CELSR1: variants seen among roughly 807,000 people sequenced by gnomAD.
CELSR1 encodes cadherin EGF LAG seven-pass G-type receptor 1, also known as adhesion G protein-coupled receptor C1.
A neutral mutation model predicts 249.1 loss-of-function variants in CELSR1; 110 were observed. That is an observed-to-expected ratio of 0.44 (90% CI 0.38 to 0.52). The LOEUF (loss-of-function observed/expected upper bound fraction) is 0.52. CELSR1 is among the 20% of genes least tolerant of loss of function. CELSR1 has a pLI of 0.00. For synonymous variants in CELSR1, 2,113 were observed against 1,900.0 expected (o/e 1.11, Z -2.92); for missense variants, 4,109 against 4,296.4 (o/e 0.96, Z 1.22).
In CELSR1 at chr22:46,506,498, C is replaced by T. The variant is rs1454998064; in HGVS notation, c.3544+27129G>A. Among the ~76,000 whole-genome samples, 1 of 152,218 alleles carries T rather than the reference C, an allele frequency of 6.6e-6. No individual in the cohort carries two copies. Among genetic ancestry groups the T allele is most frequent in the Non-Finnish European group, 1.5e-5 (1 of 68,042 alleles). On this transcript the variant is annotated intron_variant, in intron 1 of 34. Transcript: ENST00000674500. This position sits in a 1 kb window ranked among gnomAD's most constrained non-coding sequence, Gnocchi z 4.1. Reference sequence around the variant, plus strand: ...GAGTCCAGCCCAACCGGCCCTGCCTCAGGTCTGCGTTCTGCCAGCCTCAGC... The same window carrying T: ...GAGTCCAGCCCAACCGGCCCTGCCTTAGGTCTGCGTTCTGCCAGCCTCAGC...
At chr22:46,418,768 A>C (rs2079432066) in intron 5 of CELSR1, among the ~76,000 whole-genome samples, 1 of 152,204 alleles carries the variant, frequency 6.6e-6, no homozygotes, top group African/African-American at 2.4e-5. Context: ...AAAGGTCAGA[A>C]CCAACCGGTC....
At chr22:46,373,694 AGGGGGAGATGGGGGAGAT>A (rs1407764454) in intron 24 of CELSR1, among the ~76,000 whole-genome samples, 5 of 26,122 alleles carry the variant, frequency 1.9e-4, no homozygotes, top group South Asian at 1.5e-3. Context: ...ATGGGGGAGA[AGGGGGAGATGGGGGAGAT>A]GGGGGAGATG....
rs866692159 is a variant in CELSR1 at position 46,537,490 on chromosome 22, C to T, written c.-320G>A. Among the ~76,000 whole-genome samples the T allele has an allele frequency of 6.7e-5, 10 of 149,334 alleles. No homozygotes were observed. Among genetic ancestry groups the T allele is most frequent in the Middle Eastern group, 3.4e-3 (1 of 290 alleles). ...CAGGCGGCTCCAGGTGGCTCCGGCGCGGGCTCGGCCGGACGGGCGTGGGAA... is the reference window on the plus strand; with the variant it reads ...CAGGCGGCTCCAGGTGGCTCCGGCGTGGGCTCGGCCGGACGGGCGTGGGAA... On this transcript the variant is annotated 5_prime_UTR_variant, in exon 1 of 35. Transcript: ENST00000674500. This position sits in a 1 kb window ranked among gnomAD's most constrained non-coding sequence, Gnocchi z 5.8.
Position 46,433,817 on chromosome 22 carries a change from T to G in CELSR1, c.4523-336A>C, listed in dbSNP as rs2079625363. Among the ~76,000 whole-genome samples the G allele has an allele frequency of 6.6e-6, 1 of 152,208 alleles. No individual in the cohort carries two copies. The highest frequency in any genetic ancestry group is 2.4e-5 in the African/African-American group (1 of 41,440). The stretch of plus-strand genomic sequence containing the variant: ...CTCCTGCCTCAGCCTCCTGAGTAGC[T>G]GGGATTACAGGCACCCACCACCACA... On this transcript the variant is annotated intron_variant, in intron 4 of 34. Coordinates refer to ENST00000674500, the MANE Select transcript of CELSR1 (RefSeq NM_001378328.1). The surrounding 1 kb of genome is among the most constrained non-coding windows in gnomAD (Gnocchi z 5.7).
rs773353519 is a variant in CELSR1 at position 46,391,702 on chromosome 22, C to T, written c.6079G>A (p.Gly2027Ser). ...CGGTTGCACTGGCGGCCGATGACGC[C>T]GGGCTTGCAGGCACACTGCCCGGTG... ...MATGQCACKP[G>S]VIGRQCNRCD... The change falls in exon 15 of 35, where the codon GGC becomes AGC. Residue 2027 changes from glycine (G) to serine (S), a missense_variant. Gly to Ser is a moderately conservative substitution (Grantham distance 56). Around this residue, in one of 7 missense-constraint regions of CELSR1, gnomAD observed 1,805 missense variants for 1,831.6 expected, o/e 0.99. Transcript: ENST00000674500. The surrounding 1 kb of genome is among the most constrained non-coding windows in gnomAD (Gnocchi z 4.3). 22 of 1,610,672 alleles carry T rather than the reference C, an allele frequency of 1.4e-5. No individual in the cohort carries two copies. Among genetic ancestry groups the T allele is most frequent in the East Asian group, 8.9e-5 (4 of 44,872 alleles).
rs1602093493 is a variant in CELSR1 at position 46,408,825 on chromosome 22, G to A, written c.5226+171C>T. ...TCCCTCGCTGTCTCCGCCTCCCAGA[G>A]GAAAGAAAGGGCTGATATTCCCCTT... On this transcript the variant is annotated intron_variant, in intron 9 of 34. Transcript: ENST00000674500. The surrounding 1 kb of genome is among the most constrained non-coding windows in gnomAD (Gnocchi z 4.6). Among the ~76,000 whole-genome samples the A allele has an allele frequency of 6.6e-6, 1 of 152,234 alleles. No homozygotes were observed. Among genetic ancestry groups the A allele is most frequent in the South Asian group, 2.1e-4 (1 of 4,834 alleles).
At chr22:46,382,684 G>A (rs957316101) in intron 20 of CELSR1, among the ~76,000 whole-genome samples, 2 of 152,158 alleles carry the variant, frequency 1.3e-5, no homozygotes, top group African/African-American at 2.4e-5. Context: ...AGCAACACGC[G>A]CTCCATCCGC....
At chr22:46,414,768 A>G (rs1054647035) in intron 5 of CELSR1, among the ~76,000 whole-genome samples, 1 of 152,246 alleles carries the variant, frequency 6.6e-6, no homozygotes, top group African/African-American at 2.4e-5. Context: ...ATGACCCAGC[A>G]CCACCAGCCC....
rs1602027601 is a variant in CELSR1 at position 46,369,159 on chromosome 22, T to A, written c.7952+20A>T. On this transcript the variant is annotated intron_variant, in intron 27 of 34. Coordinates refer to ENST00000674500, the MANE Select transcript of CELSR1 (RefSeq NM_001378328.1). ...GGGCCCAGCCGACATGGCTGGCCGG[T>A]CAGGTTCAGCCCCACTTACACGATC... is the stretch of plus-strand genomic sequence containing the variant. 6.2e-7 allele frequency: 1 copy of A among 1,612,194 alleles called. No homozygotes were observed. Among genetic ancestry groups the A allele is most frequent in the Non-Finnish European group, 8.5e-7 (1 of 1,178,564 alleles).
rs2080832617 is a variant in CELSR1, at chr22:46,534,814, C to T, written c.2357G>A (p.Arg786Lys). 1 of 1,612,992 alleles carries T rather than the reference C, an allele frequency of 6.2e-7. No individual in the cohort carries two copies. Among genetic ancestry groups the T allele is most frequent in the South Asian group, 1.1e-5 (1 of 91,086 alleles). Residue 786 changes from arginine (R) to lysine (K), a missense_variant, in exon 1 of 35, where the codon AGG (arginine) becomes AAG (lysine). This residue lies in a region of CELSR1 where 886 missense variants were observed against 896.5 expected (regional missense o/e 0.99). Transcript: ENST00000674500. This position sits in a 1 kb window ranked among gnomAD's most constrained non-coding sequence, Gnocchi z 9.7. ...GTAATGGGAGCTCTGAAAGACAGGCCTGTGGGTGTTGGCATCAGTGACGTT... is the reference window on the plus strand; with the variant it reads ...GTAATGGGAGCTCTGAAAGACAGGCTTGTGGGTGTTGGCATCAGTGACGTT... Reference protein sequence around the residue: ...LINVTDANTHRPVFQSSHYTV... With the variant: ...LINVTDANTHKPVFQSSHYTV...
In CELSR1 at chr22:46,463,777, C is replaced by T. The variant is rs770653865; in HGVS notation, c.4113G>A (p.Pro1371=). The T allele has an allele frequency of 4.4e-6, 7 of 1,581,926 alleles. 1 individual carries two copies. Among genetic ancestry groups the T allele is most frequent in the Middle Eastern group, 3.4e-4 (2 of 5,914 alleles). Residue 1371 remains proline, a synonymous_variant, in exon 2 of 35, where the codon CCG becomes CCA. Coordinates refer to ENST00000674500, the MANE Select transcript of CELSR1 (RefSeq NM_001378328.1). ...ETEIDLCYSD[P]CGANGRCRSR... ...TGCGGCAGCGGCCGTTGGCGCCGCA[C>T]GGGTCGGAGTAGCAGAGGTCGATCT...
rs976602074 is a variant in CELSR1 at position 46,446,439 on chromosome 22, C to T, written c.4184-7028G>A. Among the ~76,000 whole-genome samples, 1 of 152,222 alleles carries T rather than the reference C, an allele frequency of 6.6e-6. No individual in the cohort carries two copies. The highest frequency in any genetic ancestry group is 2.4e-5 in the African/African-American group (1 of 41,454). On this transcript the variant is annotated intron_variant, in intron 2 of 34. Coordinates refer to ENST00000674500, the MANE Select transcript of CELSR1 (RefSeq NM_001378328.1). The surrounding 1 kb of genome is among the most constrained non-coding windows in gnomAD (Gnocchi z 5.5). ...CGCCCCACCAGCTCCACATCCAGCC[C>T]TGCTTGTGCGATGGTTCCCCCGTGT...
intron 1 of CELSR1, among the ~76,000 whole-genome samples, chr22:46,525,875 A>G (rs4823844): frequency 0.91 from 137,999 of 152,354 alleles, 62,475 homozygotes; most frequent in East Asian, 0.94. Flanking sequence ...CACTGGGGCC[A>G]GCGTGGGGTT....
At position 46,533,969 on chromosome 22, in the gene CELSR1, G is replaced by A. The variant is rs759999324; in HGVS notation, c.3202C>T (p.Arg1068Trp). 10 of 1,613,330 alleles carry A rather than the reference G, an allele frequency of 6.2e-6. No homozygotes were observed. Among genetic ancestry groups the A allele is most frequent in the African/African-American group, 2.7e-5 (2 of 74,916 alleles). Reference protein sequence around the residue: ...AMVELDFEVRREYVLVVQATS... With the variant: ...AMVELDFEVRWEYVLVVQATS... ...GCCTGCACCACCAGCACATACTCCC[G>A]CCGGACCTCAAAGTCCAGCTCCACC... is the stretch of plus-strand genomic sequence containing the variant. Residue 1068 changes from arginine (R) to tryptophan (W), a missense_variant, in exon 1 of 35, where the codon CGG (arginine) becomes TGG (tryptophan). Around this residue, in one of 7 missense-constraint regions of CELSR1, gnomAD observed 886 missense variants for 896.5 expected, o/e 0.99. Coordinates refer to ENST00000674500, the MANE Select transcript of CELSR1 (RefSeq NM_001378328.1).
Position 46,399,308 on chromosome 22 carries a change from G to A in CELSR1, c.5412+409C>T, listed in dbSNP as rs1043333476. On this transcript the variant is annotated intron_variant, in intron 10 of 34. Transcript: ENST00000674500. The surrounding 1 kb of genome is among the most constrained non-coding windows in gnomAD (Gnocchi z 5.0). ...GTCTCACAGGCCTGTCCAGGACCTG[G>A]GTCTCACTGCTCTCCCAGTTTTGCT... Among the ~76,000 whole-genome samples, 5 of 152,162 alleles carry A rather than the reference G, an allele frequency of 3.3e-5. No homozygotes were observed. Among genetic ancestry groups the A allele is most frequent in the Admixed American group, 1.3e-4 (2 of 15,268 alleles).
At chr22:46,478,785 C>A (rs1367979503) in intron 1 of CELSR1, among the ~76,000 whole-genome samples, 3 of 151,760 alleles carry the variant, frequency 2.0e-5, no homozygotes, top group African/African-American at 7.3e-5. Context: ...AACTCCTGAC[C>A]TTGTGATCTG....
chr22:46,470,117 C>CT (rs761672598), intron 1 of CELSR1, among the ~76,000 whole-genome samples: 6,143 of 136,486 alleles, frequency 0.045, 352 homozygotes, highest in African/African-American at 0.14. Flanking sequence ...GCCTGTTTGA[C>CT]TTTTTTTTTT....
At position 46,534,469 on chromosome 22, in the gene CELSR1, A is replaced by G. The variant is rs747982126; in HGVS notation, c.2702T>C (p.Ile901Thr). Residue 901 changes from isoleucine to threonine, a missense_variant, in exon 1 of 35, where the codon ATC (isoleucine) becomes ACC (threonine). Coordinates refer to ENST00000674500, the MANE Select transcript of CELSR1 (RefSeq NM_001378328.1). The surrounding 1 kb of genome is among the most constrained non-coding windows in gnomAD (Gnocchi z 9.7). ...GGTCGAGGGTGGAGCATCCTCAAAGATGGAACCCTGGTAGAAATCCCACAG... is the reference window on the plus strand; with the variant it reads ...GGTCGAGGGTGGAGCATCCTCAAAGGTGGAACCCTGGTAGAAATCCCACAG... ...QFLWDFYQGS[I>T]FEDAPPSTSI... 19 of 1,613,102 alleles carry G rather than the reference A, an allele frequency of 1.2e-5. No homozygotes were observed. In the East Asian group the frequency reaches 4.0e-4, roughly 34 times the overall value.
intron 5 of CELSR1, among the ~76,000 whole-genome samples, chr22:46,422,577 AAAT>A (rs1242212263): frequency 1.1e-4 from 17 of 149,600 alleles, no homozygotes; most frequent in African/African-American, 2.4e-4. Flanking sequence ...TACTAAAAAA[AAAT>A]AATAATAATA....
Sources: gnomAD v4.1 joint callset for allele counts (sites outside exome capture counted in the v4.1 genomes callset) on GRCh38, gnomAD v4.1.1 for gene constraint, gnomAD v4.1.1 regional missense constraint, Gnocchi (gnomAD v3.1) non-coding constraint, MANE v1.5 for transcripts, NCBI Gene and HGNC (gene_info 2026-07-23, HGNC 2026-07-21) for gene names.